Variants in NCKAP5 observed in about 807,000 individuals in gnomAD.
NCKAP5 encodes the protein NCK associated protein 5, also known as nck-associated protein 5.
NCKAP5 carries 92 observed loss-of-function variants against 167.0 expected under a neutral mutation model. The ratio of observed to expected loss-of-function variants is 0.55; its 90% CI spans 0.47 to 0.66. The LOEUF (loss-of-function observed/expected upper bound fraction) is 0.66, where lower values mean the gene tolerates loss of function less well. NCKAP5 is among the 30% of genes least tolerant of loss of function. The probability of loss-of-function intolerance (pLI) is 0.00; values close to 1 mark genes in which losing one functional copy is unlikely to be tolerated. For missense variants in NCKAP5, 2,378 were observed against 2,315.0 expected, an observed-to-expected ratio of 1.03 and a Z score of -0.56; for synonymous variants, 891 against 877.4, an observed-to-expected ratio of 1.02 and a Z score of -0.27.
intron 2 of NCKAP5, among the ~76,000 whole-genome samples, chr2:133,549,452 C>G (rs1275737572): frequency 8.5e-6 from 1 of 117,696 alleles, no homozygotes; most frequent in African/African-American, 3.2e-5. Context: ...CACTCAAAAC[C>G]GCTCAACTAC....
the NCKAP5 span, among the ~76,000 whole-genome samples, chr2:133,604,222 T>C: frequency 1.3e-5 from 2 of 152,168 alleles, no homozygotes; most frequent in South Asian, 2.1e-4. Context: ...TGTTTGTTTT[T>C]AGAGACAGAA....
chr2:132,926,236 T>A (rs1695876844), intron 8 of NCKAP5: 1 of 355,774 alleles, frequency 2.8e-6, no homozygotes, highest in African/African-American at 2.1e-5. Flanking sequence ...TTCCTTTTAA[T>A]AGCCACTAGT....
chr2:132,844,571 A>ATAT (rs1688532252), intron 11 of NCKAP5, among the ~76,000 whole-genome samples: 1 of 152,112 alleles, frequency 6.6e-6, no homozygotes, highest in African/African-American at 2.4e-5. Context: ...TTGCAACTTT[A>ATAT]CTTTTTCACT....
intron 6 of NCKAP5, among the ~76,000 whole-genome samples, chr2:133,049,047 G>T (rs1021082985): frequency 8.5e-5 from 13 of 152,144 alleles, no homozygotes; most frequent in Non-Finnish European, 1.5e-4. Context: ...AGTTAAAAAA[G>T]TGAAGCCTCC....
intron 4 of NCKAP5, among the ~76,000 whole-genome samples, chr2:133,261,818 C>T (rs972000694): frequency 6.6e-6 from 1 of 152,276 alleles, no homozygotes; most frequent in African/African-American, 2.4e-5. Flanking sequence ...TATTTAATAA[C>T]CCAGAGACTT....
the NCKAP5 span, among the ~76,000 whole-genome samples, chr2:133,608,312 T>C: frequency 6.6e-6 from 1 of 152,234 alleles, no homozygotes. Flanking sequence ...GCTTAAGTCC[T>C]GTAGGAGCCA....
Position 133,165,902 on chromosome 2 carries a change from A to G in NCKAP5, c.208-35791T>C, listed in dbSNP as rs568728094. 2.6e-5 allele frequency among the ~76,000 whole-genome samples: 4 copies of G among 152,292 alleles called. No individual in the cohort carries two copies. The South Asian group carries it at 8.3e-4, about 32-fold the overall frequency. ...GATCAGTTTATACAAAGATTATATT[A>G]TTTTTTGGTGAATTCCATTAGCATT... On this transcript the variant is annotated intron_variant, in intron 5 of 19. Transcript: ENST00000409261.
chr2:133,073,266 C>T (rs552179178), intron 6 of NCKAP5, among the ~76,000 whole-genome samples: 4 of 151,744 alleles, frequency 2.6e-5, no homozygotes, highest in East Asian at 3.9e-4. Flanking sequence ...CTCCCTGCCA[C>T]GTACTGAGTC....
chr2:133,314,496 C>T (rs1446752021), intron 3 of NCKAP5, among the ~76,000 whole-genome samples: 2 of 152,094 alleles, frequency 1.3e-5, no homozygotes, highest in African/African-American at 2.4e-5. Context: ...GGTCTGGGGA[C>T]CACTCTGTAA....
rs138666348 is a variant in NCKAP5, at chr2:133,563,300, G to T, written c.-129-4183C>A. Among the ~76,000 whole-genome samples the T allele has an allele frequency of 2.2e-4, 34 of 152,324 alleles. No individual in the cohort carries two copies. The East Asian group carries it at 5.2e-3, about 23-fold the overall frequency. ...AAAGATTCAGGTCTGGCCGGGCGCA[G>T]TGGCTCACGCCTGTAACCCCAGCAC... On this transcript the variant is annotated intron_variant, in intron 1 of 19. Coordinates refer to ENST00000409261, the MANE Select transcript of NCKAP5 (RefSeq NM_207363.3).
the NCKAP5 span, among the ~76,000 whole-genome samples, chr2:133,600,090 G>A: frequency 0.056 from 8,508 of 152,192 alleles, 559 homozygotes; most frequent in East Asian, 0.35. Context: ...CATCTGTGTC[G>A]CGGAATTTCT....
intron 16 of NCKAP5, among the ~76,000 whole-genome samples, chr2:132,761,657 C>A (rs1335497042): frequency 6.6e-6 from 1 of 152,204 alleles, no homozygotes; most frequent in African/African-American, 2.4e-5. Context: ...CCTGAAGATT[C>A]ATTCTTTTGA....
At chr2:133,093,631 A>C (rs1164365971) in intron 6 of NCKAP5, among the ~76,000 whole-genome samples, 2 of 152,190 alleles carry the variant, frequency 1.3e-5, no homozygotes, top group Non-Finnish European at 2.9e-5. Context: ...TGTTCTTTCT[A>C]AATGGTAAAG....
intron 8 of NCKAP5, among the ~76,000 whole-genome samples, chr2:132,880,285 A>G (rs1026569382): frequency 6.6e-6 from 1 of 152,226 alleles, no homozygotes; most frequent in Non-Finnish European, 1.5e-5. Flanking sequence ...ACAACAACGT[A>G]TTGAATATTT....
chr2:133,107,729 T>C (rs1032328246), intron 6 of NCKAP5, among the ~76,000 whole-genome samples: 3 of 152,144 alleles, frequency 2.0e-5, no homozygotes, highest in Non-Finnish European at 4.4e-5. Flanking sequence ...AGCTCAAATC[T>C]GGTAGGGGAA....
chr2:132,924,003 C>T lies in NCKAP5; in HGVS notation c.579+39717G>A, dbSNP rs150522794. ...TGATTCAGGAGACACCAGACATAAA[C>T]CAAATGGCTGGCCCCACAACCAGTG... On this transcript the variant is annotated intron_variant, in intron 8 of 19. Coordinates refer to ENST00000409261, the MANE Select transcript of NCKAP5 (RefSeq NM_207363.3). Among the ~76,000 whole-genome samples the T allele has an allele frequency of 5.5e-3, 832 of 152,250 alleles. 10 individuals are homozygous for T. The highest frequency in any genetic ancestry group is 0.019 in the African/African-American group (783 of 41,550).
chr2:132,986,994 G>A (rs947142334), intron 7 of NCKAP5, among the ~76,000 whole-genome samples: 1 of 152,106 alleles, frequency 6.6e-6, no homozygotes, highest in South Asian at 2.1e-4. Flanking sequence ...ACAGGTGATC[G>A]AGGCCCTCTG....
the NCKAP5 span, among the ~76,000 whole-genome samples, chr2:133,615,217 G>A: frequency 2.0e-5 from 3 of 152,190 alleles, no homozygotes; most frequent in East Asian, 1.9e-4. Flanking sequence ...AAAGACCATC[G>A]AGGTTAGGAA....
intron 4 of NCKAP5, among the ~76,000 whole-genome samples, chr2:133,259,676 C>A (rs113626604): frequency 1.3e-5 from 2 of 152,140 alleles, no homozygotes; most frequent in African/African-American, 4.8e-5. Flanking sequence ...GTGGTGTGCA[C>A]CAAGCCCTGA....
Sources: gnomAD v4.1 joint callset for allele counts (sites outside exome capture counted in the v4.1 genomes callset) on GRCh38, gnomAD v4.1.1 for gene constraint, MANE v1.5 for transcripts, NCBI Gene and HGNC (gene_info 2026-07-23, HGNC 2026-07-21) for gene names.